DMD: variants seen among roughly 807,000 people sequenced by gnomAD.
DMD encodes dystrophin.
A neutral mutation model predicts 330.1 loss-of-function variants in DMD; 63 were observed. That is an observed-to-expected ratio of 0.19 (90% CI 0.16 to 0.24). The LOEUF (loss-of-function observed/expected upper bound fraction) is 0.24, where lower values mean the gene tolerates loss of function less well. Among genes scored for constraint, DMD ranks in the 10% least tolerant of loss-of-function variants. The pLI, the probability that DMD is intolerant of heterozygous loss-of-function variation, is 1.00. For missense variants in DMD, 3,344 were observed against 2,684.1 expected, an observed-to-expected ratio of 1.25 and a Z score of -5.43; for synonymous variants, 1,223 against 959.8, an observed-to-expected ratio of 1.27 and a Z score of -5.07.
At chrX:31,882,101 A>G (rs1175987029) in intron 47 of DMD, among the ~76,000 whole-genome samples, 1 of 112,420 alleles carries the variant, frequency 8.9e-6, no homozygotes, top group Non-Finnish European at 1.9e-5. Context: ...AGAAATTGAC[A>G]TGCCAATCCT....
chrX:32,237,449 A>G lies in DMD; in HGVS notation c.6291-20386T>C, dbSNP rs2097192190. On this transcript the variant is annotated intron_variant, in intron 43 of 78. Coordinates refer to ENST00000357033, the MANE Select transcript of DMD (RefSeq NM_004006.3). ...CTACAACTGTTATACAGCTGTTGTTACAGGATCTCCTCCACCATCTTTCTG... is the reference window on the plus strand; with the variant it reads ...CTACAACTGTTATACAGCTGTTGTTGCAGGATCTCCTCCACCATCTTTCTG... 2.7e-5 allele frequency among the ~76,000 whole-genome samples: 3 copies of G among 110,909 alleles called. No homozygotes were observed. The Admixed American group carries it at 2.9e-4, about 11-fold the overall frequency.
intron 1 of DMD, among the ~76,000 whole-genome samples, chrX:33,074,429 T>TC (rs1812838079): frequency 4.7e-5 from 5 of 106,699 alleles, no homozygotes; most frequent in African/African-American, 1.4e-4. Flanking sequence ...TTTTTTTTTG[T>TC]CTTTTAGCAT....
At chrX:31,987,121 A>T (rs2095515294) in intron 44 of DMD, among the ~76,000 whole-genome samples, 1 of 112,157 alleles carries the variant, frequency 8.9e-6, no homozygotes, top group African/African-American at 3.2e-5. Context: ...TTTGCTATTG[A>T]CCTATTCTCA....
intron 2 of DMD, among the ~76,000 whole-genome samples, chrX:32,916,075 G>A (rs948228290): frequency 5.4e-5 from 6 of 110,925 alleles, no homozygotes; most frequent in African/African-American, 2.0e-4. Flanking sequence ...TCAGAAGAGA[G>A]GTAAAGGTAT....
intron 7 of DMD, among the ~76,000 whole-genome samples, chrX:32,766,624 GATC>G (rs1283480782): frequency 9.0e-6 from 1 of 111,115 alleles, no homozygotes; most frequent in Non-Finnish European, 1.9e-5. Flanking sequence ...CTACATATAA[GATC>G]ATATCATCTG....
chrX:32,650,331 T>C (rs1353017072), intron 9 of DMD, among the ~76,000 whole-genome samples: 1 of 112,186 alleles, frequency 8.9e-6, no homozygotes, highest in African/African-American at 3.2e-5. Context: ...TTGCAAATTT[T>C]ATCATTCTCA....
intron 55 of DMD, among the ~76,000 whole-genome samples, chrX:31,511,419 T>C (rs1453387477): frequency 2.9e-5 from 3 of 103,700 alleles, no homozygotes; most frequent in African/African-American, 7.1e-5. Flanking sequence ...GCCATGCTGG[T>C]GCGCTGCACC....
chrX:31,173,480 A>G (rs1449005177), intron 72 of DMD, 59 bp downstream of exon 72: 3 of 1,125,688 alleles, frequency 2.7e-6, no homozygotes, highest in Admixed American at 4.4e-5. Flanking sequence ...ATCATAGGTT[A>G]GCTTTCCTTG....
At chrX:32,221,034 C>A (rs2147896174) in intron 43 of DMD, among the ~76,000 whole-genome samples, 1 of 111,385 alleles carries the variant, frequency 9.0e-6, no homozygotes, top group African/African-American at 3.3e-5. Context: ...TTATGTGCAG[C>A]ATAACTTATT....
intron 51 of DMD, among the ~76,000 whole-genome samples, chrX:31,734,752 C>T (rs2738306): frequency 0.43 from 47,048 of 109,645 alleles, 7,225 homozygotes; most frequent in South Asian, 0.54. Context: ...GCAATTGCAA[C>T]AACCTGAGGT....
intron 54 of DMD, among the ~76,000 whole-genome samples, chrX:31,650,600 C>T (rs1279044366): frequency 9.0e-6 from 1 of 111,679 alleles, no homozygotes; most frequent in Admixed American, 9.5e-5. Context: ...TGCCAAGGGA[C>T]GGTATTTGTA....
At chrX:33,150,292 C>CTT (rs67904733) in intron 1 of DMD, among the ~76,000 whole-genome samples, 3 of 87,615 alleles carry the variant, frequency 3.4e-5, no homozygotes, top group Admixed American at 1.4e-4. Context: ...AAAAGTCAGT[C>CTT]TTTTTTTTTT....
At chrX:32,220,656 A>T (rs1019976515) in intron 43 of DMD, among the ~76,000 whole-genome samples, 25 of 110,595 alleles carry the variant, frequency 2.3e-4, no homozygotes, top group African/African-American at 6.2e-4. Flanking sequence ...ATATATATAT[A>T]TTTTTTCTGG....
chrX:32,352,770 T>C (rs184180105), intron 37 of DMD, among the ~76,000 whole-genome samples: 1 of 110,881 alleles, frequency 9.0e-6, no homozygotes, highest in Non-Finnish European at 1.9e-5. Flanking sequence ...GTCCTCGGGG[T>C]ATAGGAAAAA....
intron 3 of DMD, among the ~76,000 whole-genome samples, chrX:32,846,649 G>A (rs1415937735): frequency 5.0e-5 from 5 of 99,812 alleles, no homozygotes; most frequent in Non-Finnish European, 9.9e-5. Context: ...AAGAATGTCA[G>A]AATGATGTTG....
intron 2 of DMD, among the ~76,000 whole-genome samples, chrX:32,979,459 T>G (rs1281284617): frequency 8.9e-6 from 1 of 111,796 alleles, no homozygotes; most frequent in African/African-American, 3.2e-5. Context: ...ACTTATAACT[T>G]TTTCCCTTTT....
At chrX:31,170,149 G>A in intron 73 of DMD, among the ~76,000 whole-genome samples, 1 of 111,712 alleles carries the variant, frequency 9.0e-6, no homozygotes, top group Non-Finnish European at 1.9e-5. Flanking sequence ...AATTAAACTG[G>A]AGATACATGA....
intron 54 of DMD, among the ~76,000 whole-genome samples, chrX:31,647,325 A>G (rs754166302): frequency 1.4e-4 from 16 of 111,966 alleles, no homozygotes; most frequent in African/African-American, 4.9e-4. Context: ...GGATGGAACA[A>G]CAGTTCCGTT....
At chrX:32,494,509 A>T (rs1254720359) in intron 19 of DMD, among the ~76,000 whole-genome samples, 1 of 111,136 alleles carries the variant, frequency 9.0e-6, no homozygotes, top group Non-Finnish European at 1.9e-5. Flanking sequence ...TCAGTTACTT[A>T]ATTTCACTGG....
Sources: allele counts gnomAD v4.1 joint callset (sites outside exome capture counted in the v4.1 genomes callset), GRCh38; gene constraint gnomAD v4.1.1; transcripts MANE v1.5; gene names NCBI Gene and HGNC (gene_info 2026-07-23, HGNC 2026-07-21).